ZNF527: variants seen among roughly 807,000 people sequenced by gnomAD.
ZNF527 encodes the protein zinc finger protein 527.
In ZNF527, 5 loss-of-function variants were observed where a neutral mutation model predicts 13.5. That is an observed-to-expected ratio of 0.37 (90% CI 0.19 to 0.78). The LOEUF is 0.78. ZNF527 is among the 30% of genes least tolerant of loss of function. The probability of loss-of-function intolerance (pLI) is 0.48; values close to 1 mark genes in which losing one functional copy is unlikely to be tolerated. For synonymous variants in ZNF527, 209 were observed against 243.1 expected, an observed-to-expected ratio of 0.86 and a Z score of 1.30; for missense variants, 628 against 726.4, an observed-to-expected ratio of 0.86 and a Z score of 1.56.
intron 1 of ZNF527, among the ~76,000 whole-genome samples, chr19:37,371,886 T>A (rs1468357232): frequency 1.3e-5 from 2 of 152,136 alleles, no homozygotes; most frequent in African/African-American, 4.8e-5. Flanking sequence ...TATATGAGAT[T>A]GTGGGATTGA....
Position 37,388,840 on chromosome 19 carries a change from A to G in ZNF527, c.791A>G (p.His264Arg), listed in dbSNP as rs750054687. The part of the protein sequence containing the change: ...LLSFHSLFTQ[H>R]QTTHFGKLPH... ...AGTTTCCACTCATTATTTACTCAAC[A>G]TCAGACCACTCATTTTGGAAAATTA... The change falls in exon 5 of 5, where the codon CAT becomes CGT. Residue 264 changes from histidine (H) to arginine (R), a missense_variant. This residue lies in a region of ZNF527 where 592 missense variants were observed against 678.0 expected (regional missense o/e 0.87). Coordinates refer to ENST00000436120, the MANE Select transcript of ZNF527 (RefSeq NM_032453.2). 6.2e-7 allele frequency: 1 copy of G among 1,614,046 alleles called. No individual in the cohort carries two copies. Among genetic ancestry groups the G allele is most frequent in the Non-Finnish European group, 8.5e-7 (1 of 1,180,048 alleles).
Position 37,379,215 on chromosome 19 carries a change from G to A in ZNF527, c.129G>A (p.Met43Ile), listed in dbSNP as rs761989869. ...PSQKDLYRDV[M>I]LENYRNLVWL... ...AGAAGGATTTATACAGAGATGTCAT[G>A]TTGGAGAACTACAGGAACTTGGTAT... is the stretch of plus-strand genomic sequence containing the variant. The change falls in exon 3 of 5, where the codon ATG (methionine) becomes ATA (isoleucine). Residue 43 changes from methionine to isoleucine, a missense_variant. Around this residue, in one of 3 missense-constraint regions of ZNF527, gnomAD observed 592 missense variants for 678.0 expected, o/e 0.87. Coordinates refer to ENST00000436120, the MANE Select transcript of ZNF527 (RefSeq NM_032453.2). 9 of 1,611,296 alleles carry A rather than the reference G, an allele frequency of 5.6e-6. No individual in the cohort carries two copies. Among genetic ancestry groups the A allele is most frequent in the Non-Finnish European group, 7.6e-6 (9 of 1,179,196 alleles).
chr19:37,373,063 G>A (rs1285499802), intron 1 of ZNF527, among the ~76,000 whole-genome samples: 1 of 152,178 alleles, frequency 6.6e-6, no homozygotes, highest in Non-Finnish European at 1.5e-5. Context: ...CTTTGAGTTG[G>A]TTGTTTAAGC....
At chr19:37,382,291 A>G (rs1489869331) in intron 4 of ZNF527, among the ~76,000 whole-genome samples, 1 of 79,606 alleles carries the variant, frequency 1.3e-5, no homozygotes, top group Non-Finnish European at 2.3e-5. Context: ...ATAGGTAGAT[A>G]GATAGATAGA....
intron 3 of ZNF527, 94 bp from the exon 4 acceptor site, chr19:37,380,183 A>G: frequency 6.5e-7 from 1 of 1,535,680 alleles, no homozygotes; most frequent in Admixed American, 1.9e-5. Context: ...TGATCAAGAT[A>G]TTGGGTCTGC....
Position 37,375,295 on chromosome 19 carries a change from TTTC to T in ZNF527, c.33+1067_33+1069del, listed in dbSNP as rs1293245098. Among the ~76,000 whole-genome samples the T allele has an allele frequency of 2.7e-3, 291 of 108,824 alleles. 1 individual carries two copies. Among genetic ancestry groups the T allele is most frequent in the African/African-American group, 8.9e-3 (221 of 24,720 alleles). The allele number at this position is 108,824 out of a possible 152,430, so 71.4% of individuals were successfully genotyped here. The stretch of plus-strand genomic sequence containing the variant: ...CTTTCTTTCTTTCTTTCTTTCTTTC[TTTC>T]TTTCTTTCTTTCTTTTCTTTCTTTC... On this transcript the variant is annotated intron_variant, in intron 2 of 4. Coordinates refer to ENST00000436120, the MANE Select transcript of ZNF527 (RefSeq NM_032453.2).
At chr19:37,375,302 C>CT (rs368774863) in intron 2 of ZNF527, among the ~76,000 whole-genome samples, 3,655 of 103,528 alleles carry the variant, frequency 0.035, 77 homozygotes, top group South Asian at 0.064. Flanking sequence ...TTCTTTCTTT[C>CT]TTTCTTTCTT....
chr19:37,387,643 A>C (rs1460438486), intron 4 of ZNF527, among the ~76,000 whole-genome samples: 1 of 152,232 alleles, frequency 6.6e-6, no homozygotes, highest in Non-Finnish European at 1.5e-5. Context: ...CCTCTCCTGA[A>C]AGTATCACGT....
At position 37,389,017 on chromosome 19, in the gene ZNF527, C is replaced by G. The variant is rs1170666409; in HGVS notation, c.968C>G (p.Thr323Ser). The stretch of plus-strand genomic sequence containing the variant: ...TTCTTTCTCAGTGAACATCAAAGAA[C>G]TCATATTGGGGAGAAACCTTATGAA... ...HDFFLSEHQR[T>S]HIGEKPYECK... is the part of the protein sequence containing the mutation. Residue 323 changes from threonine to serine, a missense_variant, in exon 5 of 5, where the codon ACT (threonine) becomes AGT (serine). By Grantham distance (58) the Thr-to-Ser change is moderately conservative. Around this residue, in one of 3 missense-constraint regions of ZNF527, gnomAD observed 592 missense variants for 678.0 expected, o/e 0.87. Transcript: ENST00000436120. The G allele has an allele frequency of 1.2e-6, 2 of 1,614,040 alleles. No homozygotes were observed. The highest frequency in any genetic ancestry group is 1.7e-6 in the Non-Finnish European group (2 of 1,180,028).
chr19:37,389,708 C>G lies in ZNF527; in HGVS notation c.1659C>G (p.Pro553=), dbSNP rs201379650. 4 of 1,613,964 alleles carry G rather than the reference C, an allele frequency of 2.5e-6. No individual in the cohort carries two copies. Among genetic ancestry groups the G allele is most frequent in the Non-Finnish European group, 3.4e-6 (4 of 1,179,984 alleles). Residue 553 remains proline (P), a synonymous_variant, in exon 5 of 5, where the codon CCC becomes CCG. Coordinates refer to ENST00000436120, the MANE Select transcript of ZNF527 (RefSeq NM_032453.2). ...AAAGAATTCATACTGGAGAGAAACC[C>G]TATGAATGTAGTGAATGTGGGAAGG... ...QHQRIHTGEK[P]YECSECGKAF...
chr19:37,385,745 A>G (rs1305191819), intron 4 of ZNF527: 1 of 158,526 alleles, frequency 6.3e-6, no homozygotes, highest in East Asian at 1.8e-4. Context: ...AATCTTCCTT[A>G]GAAGAATTTC....
intron 3 of ZNF527, chr19:37,379,503 C>T (rs755890740): frequency 9.6e-4 from 200 of 208,464 alleles, no homozygotes; most frequent in Non-Finnish European, 1.5e-3. Flanking sequence ...GCTCTTGTCG[C>T]CCAGGCTGGA....
intron 3 of ZNF527, 108 bp downstream of exon 3, chr19:37,379,354 G>T: frequency 9.4e-7 from 1 of 1,066,358 alleles, no homozygotes; most frequent in Admixed American, 2.8e-5. Context: ...GCACTTACTT[G>T]CCTTTCTACT....
At position 37,391,228 on chromosome 19, in the gene ZNF527, T is replaced by A. The variant is rs2040749656; in HGVS notation, c.*1349T>A. The A allele has an allele frequency of 6.6e-6, 1 of 152,224 alleles. No individual in the cohort carries two copies. Among genetic ancestry groups the A allele is most frequent in the Non-Finnish European group, 1.5e-5 (1 of 68,040 alleles). 9.4% of individuals were successfully genotyped at this position (152,224 alleles called of 1,614,324 possible). ...GGTCTAAACATATTCTGTGGCAGAA[T>A]ATAATAACAATTAAATTGTAAATGA... On this transcript the variant is annotated 3_prime_UTR_variant, in exon 5 of 5. Transcript: ENST00000436120.
At position 37,391,796 on chromosome 19, in the gene ZNF527, G is replaced by A. The variant is rs1344843507; in HGVS notation, c.*1917G>A. On this transcript the variant is annotated 3_prime_UTR_variant, in exon 5 of 5. Transcript: ENST00000436120. Reference sequence around the variant, plus strand: ...GTAATGAGGAAGATGAAGGTGTAGGGCAATACGTTTCTTTTTTATCTGAGT... The same window carrying A: ...GTAATGAGGAAGATGAAGGTGTAGGACAATACGTTTCTTTTTTATCTGAGT... 6.6e-6 allele frequency: 1 copy of A among 152,076 alleles called. No individual in the cohort carries two copies. The highest frequency in any genetic ancestry group is 2.4e-5 in the African/African-American group (1 of 41,414). The allele number at this position is 152,076 out of a possible 1,614,324, so 9.4% of individuals were successfully genotyped here.
Position 37,392,181 on chromosome 19 carries a change from T to C in ZNF527, c.*2302T>C, listed in dbSNP as rs1287026011. ...TTACATCTAATCTGAAACATATTAA[T>C]ATTATAAGCTTAATTCATGTCATCA... On this transcript the variant is annotated 3_prime_UTR_variant, in exon 5 of 5. Coordinates refer to ENST00000436120, the MANE Select transcript of ZNF527 (RefSeq NM_032453.2). 6.6e-6 allele frequency: 1 copy of C among 152,158 alleles called. No homozygotes were observed. The highest frequency in any genetic ancestry group is 1.5e-5 in the Non-Finnish European group (1 of 68,024). 9.4% of individuals were successfully genotyped at this position (152,158 alleles called of 1,614,324 possible). A position where few individuals can be genotyped will look rare whatever the true frequency, so the allele number is the denominator to read the frequency against.
Position 37,380,323 on chromosome 19 carries a change from G to A in ZNF527, c.207G>A (p.Gly69=). The A allele has an allele frequency of 6.2e-7, 1 of 1,614,110 alleles. No individual in the cohort carries two copies. Among genetic ancestry groups the A allele is most frequent in the Non-Finnish European group, 8.5e-7 (1 of 1,179,998 alleles). The part of the protein sequence containing the change: ...KPNMISLLEQ[G]KEPWMVERKM... ...ACATGATCTCCTTACTGGAGCAAGGGAAGGAACCGTGGATGGTGGAGAGAA... is the reference window on the plus strand; with the variant it reads ...ACATGATCTCCTTACTGGAGCAAGGAAAGGAACCGTGGATGGTGGAGAGAA... The change falls in exon 4 of 5, where the codon GGG becomes GGA. Residue 69 remains glycine, a synonymous_variant. Coordinates refer to ENST00000436120, the MANE Select transcript of ZNF527 (RefSeq NM_032453.2).
intron 2 of ZNF527, among the ~76,000 whole-genome samples, chr19:37,378,907 C>CT (rs2040629215): frequency 6.6e-6 from 1 of 152,096 alleles, no homozygotes; most frequent in Non-Finnish European, 1.5e-5. Context: ...GTATATATGT[C>CT]TTTTTTATAA....
At position 37,387,120 on chromosome 19, in the gene ZNF527, C is replaced by T. The variant is rs185235171; in HGVS notation, c.257-1186C>T. On this transcript the variant is annotated intron_variant, in intron 4 of 4. Coordinates refer to ENST00000436120, the MANE Select transcript of ZNF527 (RefSeq NM_032453.2). ...ATTTTGTTCTGACCTATACTGGAGA[C>T]AGCTTTACTTTTCAACAGATGAGAA... Among the ~76,000 whole-genome samples the T allele has an allele frequency of 3.6e-3, 552 of 152,318 alleles. 3 individuals carry two copies. Among genetic ancestry groups the T allele is most frequent in the African/African-American group, 0.012 (506 of 41,570 alleles).
Sources: gnomAD v4.1 joint callset for allele counts (sites outside exome capture counted in the v4.1 genomes callset) on GRCh38, gnomAD v4.1.1 for gene constraint, gnomAD v4.1.1 regional missense constraint, MANE v1.5 for transcripts, NCBI Gene and HGNC (gene_info 2026-07-23, HGNC 2026-07-21) for gene names.